Variants in MKLN1 observed in about 807,000 individuals in gnomAD.
MKLN1 encodes muskelin.
MKLN1 carries 18 observed loss-of-function variants against 99.0 expected under a neutral mutation model. That is an observed-to-expected ratio of 0.18 (90% CI 0.13 to 0.27). The LOEUF (loss-of-function observed/expected upper bound fraction) is 0.27, where lower values mean the gene tolerates loss of function less well. Among genes scored for constraint, MKLN1 ranks in the 10% least tolerant of loss-of-function variants. The pLI, the probability that MKLN1 is intolerant of heterozygous loss-of-function variation, is 1.00. For synonymous variants in MKLN1, 288 were observed against 293.2 expected, an observed-to-expected ratio of 0.98 and a Z score of 0.18; for missense variants, 621 against 875.9, an observed-to-expected ratio of 0.71 and a Z score of 3.67.
rs566813438 is a variant in MKLN1, at chr7:131,440,765, A to G, written c.1174-2716A>G. Among the ~76,000 whole-genome samples the G allele has an allele frequency of 2.6e-5, 4 of 152,282 alleles. No homozygotes were observed. In the South Asian group the frequency reaches 8.3e-4, roughly 32 times the overall value. ...TAAAGAAGAAAGCCAAAACAATGGAAAAAACAAATATTTATCAATTGAATT... is the reference window on the plus strand; with the variant it reads ...TAAAGAAGAAAGCCAAAACAATGGAGAAAACAAATATTTATCAATTGAATT... On this transcript the variant is annotated intron_variant, in intron 10 of 17. Transcript: ENST00000352689.
At chr7:131,167,428 T>G (rs1365084587) in intron 2 of MKLN1, among the ~76,000 whole-genome samples, 1 of 152,026 alleles carries the variant, frequency 6.6e-6, no homozygotes, top group Non-Finnish European at 1.5e-5. Flanking sequence ...TCCCAGCACT[T>G]TGGGAGGCTG....
intron 1 of MKLN1, among the ~76,000 whole-genome samples, chr7:131,128,945 C>A (rs1584778439): frequency 6.9e-6 from 1 of 144,066 alleles, no homozygotes; most frequent in Non-Finnish European, 1.5e-5. Context: ...TGCTCTGTTG[C>A]CCAAGCTAGA....
chr7:131,161,709 G>T (rs1219278637), intron 2 of MKLN1, among the ~76,000 whole-genome samples: 6 of 151,692 alleles, frequency 4.0e-5, no homozygotes, highest in Non-Finnish European at 8.8e-5. Context: ...CCGCCACCAC[G>T]CCCAGCTAAT....
intron 3 of MKLN1, among the ~76,000 whole-genome samples, chr7:131,314,380 G>A (rs1322139614): frequency 3.3e-5 from 5 of 152,138 alleles, no homozygotes; most frequent in Non-Finnish European, 7.4e-5. Context: ...CTTTTCATGT[G>A]GTACTGAAGA....
intron 8 of MKLN1, among the ~76,000 whole-genome samples, chr7:131,415,765 A>G (rs1374423731): frequency 6.6e-6 from 1 of 152,170 alleles, no homozygotes; most frequent in East Asian, 1.9e-4. Context: ...ATGCTTATTT[A>G]CTAAAGAGCT....
At chr7:131,484,166 C>T (rs953253320) in intron 17 of MKLN1, among the ~76,000 whole-genome samples, 3 of 151,788 alleles carry the variant, frequency 2.0e-5, no homozygotes, top group East Asian at 1.9e-4. Context: ...TTTAACCATT[C>T]GTCTAATGAT....
intron 3 of MKLN1, among the ~76,000 whole-genome samples, chr7:131,227,360 CTCTTTCTTTCTTTT>C (rs1197665687): frequency 4.6e-5 from 7 of 150,762 alleles, no homozygotes; most frequent in Non-Finnish European, 1.0e-4. Context: ...TTCCTTCTCT[CTCTTTCTTTCTTTT>C]TCTTTCTTTT....
intron 16 of MKLN1, chr7:131,471,233 G>C: frequency 4.1e-6 from 1 of 244,332 alleles, no homozygotes; most frequent in Non-Finnish European, 7.8e-6. Context: ...TTTTTACTTT[G>C]TCCATAGTCC....
chr7:131,329,125 T>C (rs1416783529), intron 1 of MKLN1, among the ~76,000 whole-genome samples: 2 of 152,264 alleles, frequency 1.3e-5, no homozygotes, highest in African/African-American at 4.8e-5. Context: ...CTGTGAAGCA[T>C]ACTCAAGTAA....
intron 8 of MKLN1, among the ~76,000 whole-genome samples, chr7:131,425,717 C>T (rs777251430): frequency 1.3e-5 from 2 of 152,132 alleles, no homozygotes; most frequent in South Asian, 2.1e-4. Flanking sequence ...CGTACTACCC[C>T]AGATGTACAT....
chr7:131,135,865 G>T lies in MKLN1; in HGVS notation c.-418-6955G>T, dbSNP rs555820053. Among the ~76,000 whole-genome samples, 4 of 152,258 alleles carry T rather than the reference G, an allele frequency of 2.6e-5. No homozygotes were observed. In the South Asian group the frequency reaches 8.3e-4, roughly 32 times the overall value. Reference sequence around the variant, plus strand: ...GGATAAATGAAGAAATAATGTCTTCGAGAGGATCCCATGATAGATCATGAA... The same window carrying T: ...GGATAAATGAAGAAATAATGTCTTCTAGAGGATCCCATGATAGATCATGAA... On this transcript the variant is annotated intron_variant, in intron 1 of 7. Coordinates refer to the MKLN1 transcript ENST00000416992.
At chr7:131,432,976 C>G (rs1795568784) in intron 9 of MKLN1, among the ~76,000 whole-genome samples, 1 of 152,102 alleles carries the variant, frequency 6.6e-6, no homozygotes, top group South Asian at 2.1e-4. Flanking sequence ...TAGGAGACCC[C>G]AGACCACACT....
intron 12 of MKLN1, 143 bp from the exon 13 acceptor site, chr7:131,463,074 G>A (rs111398427): frequency 1.8e-5 from 12 of 648,804 alleles, no homozygotes; most frequent in African/African-American, 1.7e-4. Context: ...GTGAGTCATG[G>A]TTGTGCCTCA....
At chr7:131,427,906 A>G (rs1309738597) in intron 8 of MKLN1, among the ~76,000 whole-genome samples, 1 of 152,084 alleles carries the variant, frequency 6.6e-6, no homozygotes, top group African/African-American at 2.4e-5. Context: ...GCTCATGCCT[A>G]TAATCCTGGT....
intron 3 of MKLN1, among the ~76,000 whole-genome samples, chr7:131,245,769 C>T (rs1275453410): frequency 6.6e-6 from 1 of 152,208 alleles, no homozygotes; most frequent in Non-Finnish European, 1.5e-5. Flanking sequence ...TGTGTAAGTG[C>T]ACTCTATGAT....
intron 3 of MKLN1, among the ~76,000 whole-genome samples, chr7:131,244,753 T>A (rs1396285267): frequency 6.6e-6 from 1 of 152,168 alleles, no homozygotes; most frequent in African/African-American, 2.4e-5. Context: ...TGTCCCCCTG[T>A]GTTGGCACAG....
chr7:131,472,363 G>A (rs1055008756), intron 16 of MKLN1: 3 of 152,156 alleles, frequency 2.0e-5, no homozygotes, highest in African/African-American at 7.2e-5. Flanking sequence ...AAACAAGACA[G>A]TTTGTTCTTA....
Position 131,496,238 on chromosome 7 carries a change from G to A in MKLN1, c.*8510G>A, listed in dbSNP as rs1584799560. ...GGGCCGTATCCTAAAGTATCCACAT[G>A]GTCTTAAATGGAAATCATGGGACTC... is the stretch of plus-strand genomic sequence containing the variant. On this transcript the variant is annotated 3_prime_UTR_variant, in exon 18 of 18. Transcript: ENST00000352689. 6.6e-6 allele frequency: 1 copy of A among 152,032 alleles called. No individual in the cohort carries two copies. The highest frequency in any genetic ancestry group is 6.6e-5 in the Admixed American group (1 of 15,252). 9.4% of individuals were successfully genotyped at this position (152,032 alleles called of 1,614,324 possible).
chr7:131,421,051 T>A (rs965899155), intron 8 of MKLN1, among the ~76,000 whole-genome samples: 3 of 152,244 alleles, frequency 2.0e-5, no homozygotes, highest in African/African-American at 7.2e-5. Flanking sequence ...TTATGCCATT[T>A]AGACTATGCT....
Sources: gnomAD v4.1 joint callset for allele counts (sites outside exome capture counted in the v4.1 genomes callset) on GRCh38, gnomAD v4.1.1 for gene constraint, MANE v1.5 for transcripts, NCBI Gene and HGNC (gene_info 2026-07-23, HGNC 2026-07-21) for gene names.